Variants in DOCK3 observed in about 807,000 individuals in gnomAD.
DOCK3 encodes the protein dedicator of cytokinesis protein 3.
Under a neutral mutation model 265.6 loss-of-function variants are expected in DOCK3, and 60 were observed. The ratio of observed to expected loss-of-function variants is 0.23; its 90% CI spans 0.18 to 0.28. The LOEUF (loss-of-function observed/expected upper bound fraction) is 0.28. DOCK3 is among the 10% of genes least tolerant of loss of function. The pLI is 1.00. For synonymous variants in DOCK3, 881 were observed against 938.0 expected (o/e 0.94, Z 1.11); for missense variants, 1,981 against 2,594.3 (o/e 0.76, Z 5.14).
intron 5 of DOCK3, among the ~76,000 whole-genome samples, chr3:50,939,201 A>C (rs1308634581): frequency 6.6e-6 from 1 of 152,130 alleles, no homozygotes; most frequent in Non-Finnish European, 1.5e-5. Context: ...AGAAAACCAT[A>C]AATTGTCAAA....
intron 5 of DOCK3, among the ~76,000 whole-genome samples, chr3:50,973,049 C>CTTTTGTTTTTTT (rs2077292566): frequency 5.3e-5 from 1 of 19,012 alleles, no homozygotes; most frequent in Non-Finnish European, 8.6e-5. Context: ...CAGTGTGTTT[C>CTTTTGTTTTTTT]TTTTTTTTTT....
chr3:51,241,048 T>C (rs1357668799), intron 21 of DOCK3, among the ~76,000 whole-genome samples: 2 of 152,252 alleles, frequency 1.3e-5, no homozygotes, highest in Non-Finnish European at 2.9e-5. Context: ...TGTGTGTTTT[T>C]GTCATGGCTG....
At chr3:51,201,931 A>G (rs913386031) in intron 12 of DOCK3, among the ~76,000 whole-genome samples, 1 of 152,240 alleles carries the variant, frequency 6.6e-6, no homozygotes, top group Admixed American at 6.5e-5. Flanking sequence ...TACTGGGTAC[A>G]TAAAGAAATG....
intron 32 of DOCK3, 71 bp downstream of exon 32, chr3:51,315,199 G>T: frequency 6.8e-7 from 1 of 1,469,550 alleles, no homozygotes; most frequent in South Asian, 1.5e-5. Context: ...TGGCCTAGAT[G>T]ACCAAGCCAT....
At chr3:51,220,410 A>G (rs547564694) in intron 14 of DOCK3, among the ~76,000 whole-genome samples, 1 of 152,022 alleles carries the variant, frequency 6.6e-6, no homozygotes, top group East Asian at 1.9e-4. Context: ...TAATCCCAGC[A>G]CTTTGGGAGG....
chr3:51,112,587 A>G (rs2083567126), intron 9 of DOCK3, among the ~76,000 whole-genome samples: 1 of 152,204 alleles, frequency 6.6e-6, no homozygotes. Flanking sequence ...GAAAGATGGC[A>G]TAGTTTGCAA....
Position 51,381,467 on chromosome 3 carries a change from C to A in DOCK3, c.6001C>A (p.Arg2001=), listed in dbSNP as rs781927362. The part of the protein sequence containing the change: ...VLLREETERP[R]GLHRKAPLPP... ...GCTGCGTGAAGAGACTGAGAGGCCT[C>A]GAGGCCTGCACCGCAAGGCTCCATT... Residue 2001 remains arginine (R), a synonymous_variant, in exon 53 of 53, where the codon CGA becomes AGA. Coordinates refer to ENST00000266037, the MANE Select transcript of DOCK3 (RefSeq NM_004947.5). The surrounding 1 kb of genome is among the most constrained non-coding windows in gnomAD (Gnocchi z 5.6). The A allele has an allele frequency of 2.1e-5, 33 of 1,596,710 alleles. No homozygotes were observed. The highest frequency in any genetic ancestry group is 2.7e-5 in the Non-Finnish European group (32 of 1,172,370).
chr3:51,148,653 A>G (rs1375658079), intron 10 of DOCK3, among the ~76,000 whole-genome samples: 1 of 152,154 alleles, frequency 6.6e-6, no homozygotes, highest in Non-Finnish European at 1.5e-5. Context: ...AGATGGTTCT[A>G]GATGTGTGGT....
intron 6 of DOCK3, among the ~76,000 whole-genome samples, chr3:51,073,867 A>G (rs982551925): frequency 6.6e-6 from 1 of 152,182 alleles, no homozygotes; most frequent in African/African-American, 2.4e-5. Flanking sequence ...ATTTGCTTCT[A>G]TAATACTTTC....
intron 5 of DOCK3, among the ~76,000 whole-genome samples, chr3:50,968,174 T>C (rs1259758366): frequency 1.3e-5 from 2 of 152,210 alleles, no homozygotes; most frequent in Non-Finnish European, 2.9e-5. Context: ...TCCTTTTTAC[T>C]TTCATTTTTC....
chr3:51,380,517 G>A (rs1264640119), intron 52 of DOCK3, among the ~76,000 whole-genome samples: 1 of 152,246 alleles, frequency 6.6e-6, no homozygotes, highest in Non-Finnish European at 1.5e-5. Context: ...TCAACACACT[G>A]TAGTTCGCTA....
At chr3:51,271,750 CTG>C (rs1322363709) in intron 24 of DOCK3, among the ~76,000 whole-genome samples, 1 of 151,336 alleles carries the variant, frequency 6.6e-6, no homozygotes, top group African/African-American at 2.4e-5. Context: ...ACTCAGGAGT[CTG>C]AGGCAGGAGA....
intron 12 of DOCK3, among the ~76,000 whole-genome samples, chr3:51,203,431 A>G (rs1576400759): frequency 6.6e-6 from 1 of 152,356 alleles, no homozygotes; most frequent in East Asian, 1.9e-4. Context: ...CAAAGAGAAT[A>G]AAATACCTAG....
intron 12 of DOCK3, among the ~76,000 whole-genome samples, chr3:51,199,069 G>A (rs530902660): frequency 3.9e-5 from 6 of 152,186 alleles, no homozygotes; most frequent in South Asian, 2.1e-4. Flanking sequence ...CGAGATGGCC[G>A]AGTAGGAACA....
intron 3 of DOCK3, among the ~76,000 whole-genome samples, chr3:50,882,063 A>C (rs2048064698): frequency 6.6e-6 from 1 of 152,226 alleles, no homozygotes; most frequent in Non-Finnish European, 1.5e-5. Context: ...GGCTAGCCAT[A>C]CATAGAAAGC....
At chr3:50,788,019 C>T (rs2042275899) in intron 2 of DOCK3, 1 of 746,202 alleles carries the variant, frequency 1.3e-6, no homozygotes, top group Non-Finnish European at 2.3e-6. Flanking sequence ...ATAGCATGCA[C>T]ATCAGACTCT....
At chr3:50,939,900 G>A (rs916682835) in intron 5 of DOCK3, among the ~76,000 whole-genome samples, 1 of 152,050 alleles carries the variant, frequency 6.6e-6, no homozygotes, top group Non-Finnish European at 1.5e-5. Context: ...CAGATAGAAA[G>A]GAATAAATAA....
Position 50,756,152 on chromosome 3 carries a change from A to C in DOCK3, c.38-22523A>C, listed in dbSNP as rs569925149. On this transcript the variant is annotated intron_variant, in intron 1 of 52. Coordinates refer to ENST00000266037, the MANE Select transcript of DOCK3 (RefSeq NM_004947.5). Reference sequence around the variant, plus strand: ...TCTGCATGTGCAGTGGCCTGCCAGCACTTGGGAGGGCCACATGCACAGTGT... The same window carrying C: ...TCTGCATGTGCAGTGGCCTGCCAGCCCTTGGGAGGGCCACATGCACAGTGT... 3.9e-5 allele frequency among the ~76,000 whole-genome samples: 6 copies of C among 152,268 alleles called. No homozygotes were observed. In the South Asian group the frequency reaches 1.2e-3, roughly 32 times the overall value.
At chr3:51,078,555 C>T (rs1279815739) in intron 7 of DOCK3, among the ~76,000 whole-genome samples, 1 of 152,178 alleles carries the variant, frequency 6.6e-6, no homozygotes, top group African/African-American at 2.4e-5. Flanking sequence ...AAATGGATCA[C>T]ATACAAAGGA....
Sources: gnomAD v4.1 joint callset for allele counts (sites outside exome capture counted in the v4.1 genomes callset) on GRCh38, gnomAD v4.1.1 for gene constraint, Gnocchi (gnomAD v3.1) non-coding constraint, MANE v1.5 for transcripts, NCBI Gene and HGNC (gene_info 2026-07-23, HGNC 2026-07-21) for gene names.